Variants in NRG3 observed in about 807,000 individuals in gnomAD.
NRG3 encodes pro-neuregulin-3, membrane-bound isoform.
NRG3 carries 31 observed loss-of-function variants against 66.9 expected under a neutral mutation model. That is an observed-to-expected ratio of 0.46 (90% CI 0.35 to 0.63). NRG3 has a LOEUF of 0.63. Ranked by LOEUF, NRG3 falls within the 20% of genes least tolerant of loss-of-function variation. The probability of loss-of-function intolerance (pLI) is 0.00; values close to 1 mark genes in which losing one functional copy is unlikely to be tolerated. For missense variants in NRG3, 910 were observed against 878.9 expected, an observed-to-expected ratio of 1.04 and a Z score of -0.45; for synonymous variants, 393 against 359.4, an observed-to-expected ratio of 1.09 and a Z score of -1.06.
intron 3 of NRG3, among the ~76,000 whole-genome samples, chr10:82,831,299 G>A (rs1339369804): frequency 6.6e-6 from 1 of 152,146 alleles, no homozygotes; most frequent in Non-Finnish European, 1.5e-5. Context: ...TTAACTGATA[G>A]GAGTCAGATT....
intron 2 of NRG3, among the ~76,000 whole-genome samples, chr10:82,618,705 TTAAA>T (rs1565132956): frequency 6.6e-6 from 1 of 152,092 alleles, no homozygotes; most frequent in African/African-American, 2.4e-5. Context: ...ACAGAAATTG[TTAAA>T]TAAACTATAT....
chr10:82,805,448 T>G (rs2061238066), intron 3 of NRG3, among the ~76,000 whole-genome samples: 1 of 152,006 alleles, frequency 6.6e-6, no homozygotes, highest in Non-Finnish European at 1.5e-5. Flanking sequence ...GTCTTTCTTT[T>G]ATTTATTTAT....
rs1225527774 is a variant in NRG3, at chr10:82,223,642, A to AAAACACACAC, written c.824-135096_824-135095insAACACACACA. 6.1e-3 allele frequency among the ~76,000 whole-genome samples: 838 copies of AAAACACACAC among 138,012 alleles called. 4 individuals carry two copies. The highest frequency in any genetic ancestry group is 0.016 in the Middle Eastern group (4 of 256). 90.5% of individuals were successfully genotyped at this position (138,012 alleles called of 152,430 possible). A position where few individuals can be genotyped will look rare whatever the true frequency, so the allele number is the denominator to read the frequency against. ...TAGTAATATTCCAGCAACCACCCCAAACACACACACACACACACACACACA... is the reference window on the plus strand; with the variant it reads ...TAGTAATATTCCAGCAACCACCCCAAAAACACACACACACACACACACACACACACACACA... On this transcript the variant is annotated intron_variant, in intron 1 of 8. Transcript: ENST00000372141.
intron 4 of NRG3, among the ~76,000 whole-genome samples, chr10:82,943,652 C>T (rs1434985759): frequency 6.6e-6 from 1 of 152,062 alleles, no homozygotes; most frequent in East Asian, 1.9e-4. Context: ...TGGTGCCTGC[C>T]CATATTGAAG....
chr10:82,751,688 T>C (rs2058870398), intron 3 of NRG3, among the ~76,000 whole-genome samples: 1 of 152,116 alleles, frequency 6.6e-6, no homozygotes, highest in East Asian at 1.9e-4. Context: ...TTTTGAACTA[T>C]GTAAATAAGA....
At chr10:82,823,575 C>G (rs1020827246) in intron 3 of NRG3, among the ~76,000 whole-genome samples, 5 of 152,152 alleles carry the variant, frequency 3.3e-5, no homozygotes, top group African/African-American at 1.2e-4. Flanking sequence ...GACTAAGGCA[C>G]TGATTCTCCC....
chr10:82,249,841 C>T (rs1447452874), intron 1 of NRG3, among the ~76,000 whole-genome samples: 1 of 152,192 alleles, frequency 6.6e-6, no homozygotes, highest in East Asian at 1.9e-4. Flanking sequence ...GGTTAAGATT[C>T]AAATCAATTT....
intron 2 of NRG3, among the ~76,000 whole-genome samples, chr10:82,476,579 T>G (rs1436914674): frequency 3.3e-5 from 5 of 152,282 alleles, no homozygotes; most frequent in African/African-American, 1.2e-4. Context: ...TTGAAGACAT[T>G]ATGCTAAGTA....
At chr10:82,950,557 T>C (rs1210796025) in intron 4 of NRG3, among the ~76,000 whole-genome samples, 1 of 152,196 alleles carries the variant, frequency 6.6e-6, no homozygotes, top group Non-Finnish European at 1.5e-5. Flanking sequence ...TTTCTTGGAT[T>C]TGTGTCCATT....
intron 1 of NRG3, among the ~76,000 whole-genome samples, chr10:82,239,136 A>G (rs576443204): frequency 3.3e-5 from 5 of 151,990 alleles, no homozygotes; most frequent in African/African-American, 1.2e-4. Context: ...CTATTAAACA[A>G]TTAAATAGTT....
Position 82,164,509 on chromosome 10 carries a change from T to A in NRG3, c.824-194230T>A, listed in dbSNP as rs2071879135. The stretch of plus-strand genomic sequence containing the variant: ...ACCAACCCCTCTTTATCACTCTCAC[T>A]CGAACCACTGCCCTTTACACACACA... On this transcript the variant is annotated intron_variant, in intron 1 of 8. Transcript: ENST00000372141. 2.0e-5 allele frequency among the ~76,000 whole-genome samples: 3 copies of A among 152,110 alleles called. No individual in the cohort carries two copies. The South Asian group carries it at 6.2e-4, about 32-fold the overall frequency.
intron 1 of NRG3, among the ~76,000 whole-genome samples, chr10:82,023,881 G>T (rs543330409): frequency 6.6e-6 from 1 of 152,096 alleles, no homozygotes; most frequent in African/African-American, 2.4e-5. Flanking sequence ...GAGTTTGAAA[G>T]TTCCCCTTCT....
intron 2 of NRG3, among the ~76,000 whole-genome samples, chr10:82,485,987 G>T (rs1346827788): frequency 6.6e-6 from 1 of 152,134 alleles, no homozygotes; most frequent in Non-Finnish European, 1.5e-5. Context: ...AATGGAAGTG[G>T]ACTTGAATAG....
intron 3 of NRG3, among the ~76,000 whole-genome samples, chr10:82,859,815 T>C (rs1348917437): frequency 6.6e-6 from 1 of 152,238 alleles, no homozygotes; most frequent in Non-Finnish European, 1.5e-5. Context: ...CATTCCACAA[T>C]GTATACGTAT....
intron 1 of NRG3, among the ~76,000 whole-genome samples, chr10:82,016,034 G>T (rs1314021903): frequency 6.6e-6 from 1 of 150,530 alleles, no homozygotes; most frequent in African/African-American, 2.5e-5. Flanking sequence ...AAAATATGAG[G>T]TAGTTAGCAA....
chr10:81,916,836 T>C (rs1845759178), intron 1 of NRG3, among the ~76,000 whole-genome samples: 1 of 152,202 alleles, frequency 6.6e-6, no homozygotes, highest in Admixed American at 6.5e-5. Flanking sequence ...TGCCAACTCA[T>C]GTTCGCCAAT....
intron 1 of NRG3, among the ~76,000 whole-genome samples, chr10:82,056,744 G>C (rs368988439): frequency 6.6e-6 from 1 of 152,112 alleles, no homozygotes; most frequent in African/African-American, 2.4e-5. Context: ...TTTCAAAGAT[G>C]CTTTTCTGGC....
intron 2 of NRG3, among the ~76,000 whole-genome samples, chr10:82,525,798 T>C (rs112124803): frequency 6.6e-6 from 1 of 151,982 alleles, no homozygotes; most frequent in Admixed American, 6.6e-5. Context: ...TGATTACTAC[T>C]TTTATGAAAT....
At chr10:82,577,022 G>A (rs1027596641) in intron 2 of NRG3, among the ~76,000 whole-genome samples, 5 of 151,618 alleles carry the variant, frequency 3.3e-5, no homozygotes, top group Non-Finnish European at 5.9e-5. Flanking sequence ...GTTTTCCAAC[G>A]TTTTATTATT....
Sources: gnomAD v4.1 joint callset for allele counts (sites outside exome capture counted in the v4.1 genomes callset) on GRCh38, gnomAD v4.1.1 for gene constraint, MANE v1.5 for transcripts, NCBI Gene and HGNC (gene_info 2026-07-23, HGNC 2026-07-21) for gene names.